Variants in LEKR1 observed in about 807,000 individuals in gnomAD.
LEKR1 encodes the protein protein LEKR1.
In LEKR1, 59 loss-of-function variants were observed where a neutral mutation model predicts 72.4. The ratio of observed to expected loss-of-function variants is 0.82; its 90% CI spans 0.66 to 1.01. LEKR1 has a LOEUF of 1.01. Among genes scored for constraint, LEKR1 ranks in the 50% least tolerant of loss-of-function variants. LEKR1 has a pLI of 0.00. For missense variants in LEKR1, 728 were observed against 759.2 expected, an observed-to-expected ratio of 0.96 and a Z score of 0.48; for synonymous variants, 257 against 263.2, an observed-to-expected ratio of 0.98 and a Z score of 0.23.
At position 156,979,260 on chromosome 3, in the gene LEKR1, A is replaced by C. The variant is rs754616663; in HGVS notation, c.812A>C (p.Tyr271Ser). The change falls in exon 7 of 13, where the codon TAT becomes TCT. Residue 271 changes from tyrosine (Y) to serine (S), a missense_variant. Coordinates refer to ENST00000356539, the MANE Select transcript of LEKR1 (RefSeq NM_001004316.3). ...LQKAVTEMDNYKEMLMNKSNE... is the reference protein window; with the variant it reads ...LQKAVTEMDNSKEMLMNKSNE... ...AAGGCGGTGACAGAGATGGACAACT[A>C]TAAAGAAATGCTTATGTAAGATGGA... The C allele has an allele frequency of 7.8e-6, 10 of 1,282,170 alleles. No individual in the cohort carries two copies. The highest frequency in any genetic ancestry group is 2.1e-4 in the Middle Eastern group (1 of 4,674). The allele number at this position is 1,282,170 out of a possible 1,614,324, so 79.4% of individuals were successfully genotyped here.
intron 3 of LEKR1, among the ~76,000 whole-genome samples, chr3:156,915,658 C>T (rs1233169346): frequency 3.3e-5 from 5 of 151,406 alleles, no homozygotes; most frequent in East Asian, 3.9e-4. Flanking sequence ...TGCTGCATAT[C>T]GGGCCTGTTT....
chr3:156,828,595 A>G (rs950803929), intron 1 of LEKR1, among the ~76,000 whole-genome samples: 1 of 152,156 alleles, frequency 6.6e-6, no homozygotes, highest in African/African-American at 2.4e-5. Flanking sequence ...TTTAAAAAAA[A>G]AAACAAAAAA....
chr3:156,892,381 G>A (rs546061517), intron 3 of LEKR1, among the ~76,000 whole-genome samples: 55 of 152,194 alleles, frequency 3.6e-4, no homozygotes, highest in African/African-American at 1.1e-3. Flanking sequence ...CGAAATTCTC[G>A]GGGCAATTTT....
chr3:157,016,345 C>T (rs898935915), intron 10 of LEKR1, among the ~76,000 whole-genome samples: 4 of 151,758 alleles, frequency 2.6e-5, no homozygotes, highest in Non-Finnish European at 4.4e-5. Context: ...TTTAAAAGAC[C>T]TTATATAGAG....
At chr3:156,878,533 T>A (rs1718889457) in intron 3 of LEKR1, among the ~76,000 whole-genome samples, 1 of 152,224 alleles carries the variant, frequency 6.6e-6, no homozygotes, top group Admixed American at 6.5e-5. Context: ...TGAGACTTGT[T>A]TTGTGAACTC....
intron 3 of LEKR1, among the ~76,000 whole-genome samples, chr3:156,884,434 A>G (rs2108554111): frequency 1.3e-5 from 2 of 152,264 alleles, no homozygotes; most frequent in South Asian, 4.1e-4. Flanking sequence ...TTGTTTCAAA[A>G]TTTTGAATTC....
Position 156,891,451 on chromosome 3 carries a change from A to T in LEKR1, c.264-29124A>T, listed in dbSNP as rs1720658088. Among the ~76,000 whole-genome samples the T allele has an allele frequency of 3.9e-5, 6 of 152,132 alleles. No individual in the cohort carries two copies. The South Asian group carries it at 1.2e-3, about 32-fold the overall frequency. ...TTAATCTTTTTAATCTGGATGAGGG[A>T]AGTAAGGACTTAAAGAGTTAGTAAG... On this transcript the variant is annotated intron_variant, in intron 3 of 12. Transcript: ENST00000356539.
intron 5 of LEKR1, among the ~76,000 whole-genome samples, chr3:156,935,341 A>G (rs983493076): frequency 6.6e-6 from 1 of 152,190 alleles, no homozygotes. Context: ...CTATGTTATT[A>G]TAAGAGCTTT....
chr3:156,972,057 C>T (rs1233192420), intron 6 of LEKR1, among the ~76,000 whole-genome samples: 13 of 152,082 alleles, frequency 8.5e-5, no homozygotes, highest in Non-Finnish European at 1.9e-4. Flanking sequence ...TTTATTGCGG[C>T]ACTATTCACA....
intron 1 of LEKR1, among the ~76,000 whole-genome samples, chr3:156,828,306 C>T (rs576328833): frequency 6.6e-6 from 1 of 152,300 alleles, no homozygotes; most frequent in South Asian, 2.1e-4. Flanking sequence ...TGCTGTATGG[C>T]CGGGGTTGCT....
At chr3:157,021,545 G>A (rs902680572) in intron 10 of LEKR1, among the ~76,000 whole-genome samples, 8 of 152,016 alleles carry the variant, frequency 5.3e-5, no homozygotes, top group Non-Finnish European at 1.0e-4. Flanking sequence ...TTTTTTTGAA[G>A]GTTCTTCTAA....
At chr3:157,038,540 A>C (rs75398454) in intron 12 of LEKR1, among the ~76,000 whole-genome samples, 7,504 of 152,258 alleles carry the variant, frequency 0.049, 193 homozygotes, top group African/African-American at 0.065. Context: ...TAATAGAGCA[A>C]GGGTTGAGAA....
intron 7 of LEKR1, among the ~76,000 whole-genome samples, chr3:156,983,505 G>A (rs1423355620): frequency 2.6e-5 from 4 of 152,030 alleles, no homozygotes; most frequent in Non-Finnish European, 4.4e-5. Flanking sequence ...GTCTGGGGTG[G>A]CTCCAAGCAA....
At chr3:156,849,303 A>G (rs1424782016) in intron 2 of LEKR1, among the ~76,000 whole-genome samples, 1 of 152,230 alleles carries the variant, frequency 6.6e-6, no homozygotes, top group African/African-American at 2.4e-5. Context: ...GGGTAGGAAG[A>G]ATCAATATCA....
intron 5 of LEKR1, among the ~76,000 whole-genome samples, chr3:156,940,391 A>G (rs541906649): frequency 6.6e-6 from 1 of 152,284 alleles, no homozygotes; most frequent in Admixed American, 6.6e-5. Flanking sequence ...TGATAGCTGA[A>G]TATATGAGGA....
chr3:156,931,324 A>C (rs923464448), intron 5 of LEKR1, among the ~76,000 whole-genome samples: 1 of 152,154 alleles, frequency 6.6e-6, no homozygotes, highest in Non-Finnish European at 1.5e-5. Context: ...TGCTTGACTA[A>C]AATGAAACAG....
At chr3:156,914,162 T>G (rs1249525176) in intron 3 of LEKR1, among the ~76,000 whole-genome samples, 2 of 152,174 alleles carry the variant, frequency 1.3e-5, no homozygotes, top group African/African-American at 2.4e-5. Flanking sequence ...AAAAAATTTT[T>G]TACTGTCATT....
intron 2 of LEKR1, among the ~76,000 whole-genome samples, chr3:156,836,585 C>G (rs1713173892): frequency 6.6e-6 from 1 of 152,186 alleles, no homozygotes; most frequent in Admixed American, 6.5e-5. Context: ...GACAAACAGC[C>G]TCTGGCTTTT....
chr3:156,967,409 C>T (rs1488098739), intron 6 of LEKR1, among the ~76,000 whole-genome samples: 1 of 152,008 alleles, frequency 6.6e-6, no homozygotes, highest in African/African-American at 2.4e-5. Flanking sequence ...ACTAGAATAA[C>T]CAGTGCAGAG....
Sources: gnomAD v4.1 joint callset for allele counts (sites outside exome capture counted in the v4.1 genomes callset) on GRCh38, gnomAD v4.1.1 for gene constraint, MANE v1.5 for transcripts, NCBI Gene and HGNC (gene_info 2026-07-23, HGNC 2026-07-21) for gene names.